Variants in GDF6 observed in about 807,000 individuals in gnomAD.
GDF6 encodes the protein growth/differentiation factor 6.
In GDF6, 3 loss-of-function variants were observed where a neutral mutation model predicts 32.4. The ratio of observed to expected loss-of-function variants is 0.09; its 90% CI spans 0.04 to 0.24. GDF6 has a LOEUF of 0.24. GDF6 is among the 10% of genes least tolerant of loss of function. GDF6 has a pLI of 1.00. For missense variants in GDF6, 589 were observed against 637.9 expected (o/e 0.92, Z 0.83); for synonymous variants, 296 against 295.3 (o/e 1.00, Z -0.03).
intron 1 of GDF6, among the ~76,000 whole-genome samples, chr8:96,151,368 A>G (rs527878822): frequency 2.4e-4 from 37 of 152,326 alleles, no homozygotes; most frequent in African/African-American, 8.7e-4. Context: ...TTAATTCTCA[A>G]AACCACTTCT....
rs888357886 is a variant in GDF6 at position 96,144,519 on chromosome 8, T to C, written c.*44A>G. 29 of 1,604,828 alleles carry C rather than the reference T, an allele frequency of 1.8e-5. No individual in the cohort carries two copies. Among genetic ancestry groups the C allele is most frequent in the Non-Finnish European group, 2.1e-5 (25 of 1,176,124 alleles). On this transcript the variant is annotated 3_prime_UTR_variant, in exon 2 of 2. Transcript: ENST00000287020. The surrounding 1 kb of genome is among the most constrained non-coding windows in gnomAD (Gnocchi z 5.1). Reference sequence around the variant, plus strand: ...CCAGGCCTCCCCTGCAAGGCGGACCTTGGCCCACCTTGGTTCCGGGCCAAG... The same window carrying C: ...CCAGGCCTCCCCTGCAAGGCGGACCCTGGCCCACCTTGGTTCCGGGCCAAG...
At chr8:96,157,249 T>C (rs1812680713) in intron 1 of GDF6, among the ~76,000 whole-genome samples, 1 of 152,144 alleles carries the variant, frequency 6.6e-6, no homozygotes, top group Non-Finnish European at 1.5e-5. Flanking sequence ...GTTCTCCTCC[T>C]GGAGGATAGG....
chr8:96,156,374 TTCCCTC>T (rs1011410424), intron 1 of GDF6, among the ~76,000 whole-genome samples: 6 of 45,898 alleles, frequency 1.3e-4, no homozygotes, highest in Admixed American at 1.2e-3. Flanking sequence ...CTCTCTCTCT[TTCCCTC>T]TCTCTCTCTC....
At chr8:96,153,376 A>G (rs991296798) in intron 1 of GDF6, among the ~76,000 whole-genome samples, 1 of 152,158 alleles carries the variant, frequency 6.6e-6, no homozygotes, top group South Asian at 2.1e-4. Context: ...AGCGGCTCAA[A>G]TCTTAATTTG....
chr8:96,147,651 A>C (rs922928259), intron 1 of GDF6, among the ~76,000 whole-genome samples: 1 of 152,272 alleles, frequency 6.6e-6, no homozygotes, highest in East Asian at 1.9e-4. Context: ...CAAAAGTCAG[A>C]CAGCCAGAAA....
rs2083637530 is a variant in GDF6 at position 96,144,276 on chromosome 8, GA to G, written c.*286del. 6 of 471,996 alleles carry G rather than the reference GA, an allele frequency of 1.3e-5. No individual in the cohort carries two copies. In the African/African-American group the frequency reaches 1.3e-4, roughly 10 times the overall value. The allele number at this position is 471,996 out of a possible 1,614,324, so 29.2% of individuals were successfully genotyped here. A position where few individuals can be genotyped will look rare whatever the true frequency, so the allele number is the denominator to read the frequency against. On this transcript the variant is annotated 3_prime_UTR_variant, in exon 2 of 2. Coordinates refer to ENST00000287020, the MANE Select transcript of GDF6 (RefSeq NM_001001557.4). This position sits in a 1 kb window ranked among gnomAD's most constrained non-coding sequence, Gnocchi z 5.1. ...AGAGAGAGAGAGAGAGAGAGAGAGA[GA>G]GAGAGAGAGAGAGAAAACAGAACAA...
At position 96,146,707 on chromosome 8, in the gene GDF6, C is replaced by CACAGAGAGAGAGAGAG. The variant is rs367654279; in HGVS notation, c.407-1184_407-1183insCTCTCTCTCTCTCTGT. On this transcript the variant is annotated intron_variant, in intron 1 of 1. Transcript: ENST00000287020. ...ACACACACACACACACACACACACACAGAGAGAGAGAGAGAGAGATAGAGA... is the reference window on the plus strand; with the variant it reads ...ACACACACACACACACACACACACACACAGAGAGAGAGAGAGAGAGAGAGAGAGAGAGAGATAGAGA... Among the ~76,000 whole-genome samples the CACAGAGAGAGAGAGAG allele has an allele frequency of 1.6e-3, 220 of 140,000 alleles. 3 individuals carry two copies. Among genetic ancestry groups the CACAGAGAGAGAGAGAG allele is most frequent in the African/African-American group, 5.7e-3 (200 of 35,160 alleles). The allele number at this position is 140,000 out of a possible 152,430, so 91.8% of individuals were successfully genotyped here.
chr8:96,155,894 G>C (rs1369038284), intron 1 of GDF6, among the ~76,000 whole-genome samples: 1 of 152,118 alleles, frequency 6.6e-6, no homozygotes, highest in African/African-American at 2.4e-5. Context: ...CTGCGGCTCA[G>C]GTCCACCCAG....
At chr8:96,158,924 A>G (rs1464421543) in intron 1 of GDF6, among the ~76,000 whole-genome samples, 1 of 146,202 alleles carries the variant, frequency 6.8e-6, no homozygotes, top group Non-Finnish European at 1.5e-5. Flanking sequence ...CAGCGGCGAG[A>G]CCCTCGAGCA....
chr8:96,157,486 C>T (rs1812687980), intron 1 of GDF6, among the ~76,000 whole-genome samples: 1 of 152,190 alleles, frequency 6.6e-6, no homozygotes, highest in African/African-American at 2.4e-5. Context: ...TTCTTCGCTC[C>T]TCCCCTTGGG....
rs913074522 is a variant in GDF6 at position 96,160,752 on chromosome 8, C to T, written c.-60G>A. On this transcript the variant is annotated 5_prime_UTR_variant, in exon 1 of 2. Transcript: ENST00000287020. ...TGGCGGCGGCGCAGGACGCGCGGGG[C>T]ACGGAGCGGCTGGACAGCGGCCGGG... 1.3e-6 allele frequency: 2 copies of T among 1,571,020 alleles called. No individual in the cohort carries two copies. Among genetic ancestry groups the T allele is most frequent in the Non-Finnish European group, 1.7e-6 (2 of 1,147,826 alleles).
chr8:96,151,228 C>A (rs1438950669), intron 1 of GDF6, among the ~76,000 whole-genome samples: 4 of 152,234 alleles, frequency 2.6e-5, no homozygotes, highest in Admixed American at 6.5e-5. Flanking sequence ...TTCACCCTTT[C>A]CAGGGTGCTT....
At chr8:96,149,474 G>T (rs1812533348) in intron 1 of GDF6, among the ~76,000 whole-genome samples, 1 of 152,138 alleles carries the variant, frequency 6.6e-6, no homozygotes, top group Non-Finnish European at 1.5e-5. Flanking sequence ...AAATAAGAAG[G>T]AAGGAACAAA....
chr8:96,156,167 T>G (rs1008142799), intron 1 of GDF6, among the ~76,000 whole-genome samples: 18 of 152,230 alleles, frequency 1.2e-4, no homozygotes, highest in African/African-American at 4.3e-4. Flanking sequence ...TACTGCCTCC[T>G]TTTTGAGAAT....
intron 1 of GDF6, among the ~76,000 whole-genome samples, chr8:96,152,156 G>A (rs1025289700): frequency 1.1e-4 from 17 of 152,200 alleles, no homozygotes; most frequent in African/African-American, 3.9e-4. Context: ...AGATGAAGAC[G>A]CTTCCAGTTC....
rs1812457627 is a variant in GDF6, at chr8:96,145,284, T to C, written c.647A>G (p.Asp216Gly). ...GAPPAGWEVF[D>G]VWQGLRHQPW... ...CTGGTGGCGCAGGCCCTGCCACACG[T>C]CGAAGACTTCCCAGCCGGCCGGCGG... The change falls in exon 2 of 2, where the codon GAC becomes GGC. Residue 216 changes from aspartate (D) to glycine (G), a missense_variant. Asp to Gly is a moderately conservative substitution (Grantham distance 94). Transcript: ENST00000287020. This position sits in a 1 kb window ranked among gnomAD's most constrained non-coding sequence, Gnocchi z 5.6. The C allele has an allele frequency of 2.6e-6, 4 of 1,528,456 alleles. No individual in the cohort carries two copies. Among genetic ancestry groups the C allele is most frequent in the Non-Finnish European group, 3.5e-6 (4 of 1,143,946 alleles). 94.7% of individuals were successfully genotyped at this position (1,528,456 alleles called of 1,614,324 possible).
chr8:96,146,707 C>CACACACACAGAGAGAG (rs367654279), intron 1 of GDF6, among the ~76,000 whole-genome samples: 2 of 139,920 alleles, frequency 1.4e-5, no homozygotes, highest in African/African-American at 5.7e-5. Context: ...CACACACACA[C>CACACACACAGAGAGAG]AGAGAGAGAG....
At position 96,145,616 on chromosome 8, in the gene GDF6, G is replaced by C; in HGVS notation, c.407-92C>G. The C allele has an allele frequency of 6.6e-7, 1 of 1,507,292 alleles. No individual in the cohort carries two copies. The highest frequency in any genetic ancestry group is 9.0e-7 in the Non-Finnish European group (1 of 1,105,406). 93.4% of individuals were successfully genotyped at this position (1,507,292 alleles called of 1,614,324 possible). On this transcript the variant is annotated intron_variant, in intron 1 of 1. Coordinates refer to ENST00000287020, the MANE Select transcript of GDF6 (RefSeq NM_001001557.4). This position sits in a 1 kb window ranked among gnomAD's most constrained non-coding sequence, Gnocchi z 5.6. ...CGCCCCGGGAGGAAAAGGGCGGGGA[G>C]TGGGGGCAGGTCGGCCGGGCAGTCC...
At position 96,144,758 on chromosome 8, in the gene GDF6, C is replaced by T. The variant is rs1812441998; in HGVS notation, c.1173G>A (p.Leu391=). 1.2e-6 allele frequency: 2 copies of T among 1,614,158 alleles called. No individual in the cohort carries two copies. The highest frequency in any genetic ancestry group is 1.7e-6 in the Non-Finnish European group (2 of 1,180,020). ...YHCEGVCDFP[L]RSHLEPTNHA... ...GGTTGGTGGGCTCCAGGTGCGAGCG[C>T]AGCGGGAAGTCGCATACACCCTCGC... Residue 391 remains leucine (L), a synonymous_variant, in exon 2 of 2, where the codon CTG becomes CTA. Transcript: ENST00000287020. This position sits in a 1 kb window ranked among gnomAD's most constrained non-coding sequence, Gnocchi z 5.1.
Sources: gnomAD v4.1 joint callset for allele counts (sites outside exome capture counted in the v4.1 genomes callset) on GRCh38, gnomAD v4.1.1 for gene constraint, Gnocchi (gnomAD v3.1) non-coding constraint, MANE v1.5 for transcripts, NCBI Gene and HGNC (gene_info 2026-07-23, HGNC 2026-07-21) for gene names.